BANK1: variants seen among roughly 807,000 people sequenced by gnomAD.
BANK1 encodes B cell scaffold protein with ankyrin repeats 1, also known as B-cell scaffold protein with ankyrin repeats.
A neutral mutation model predicts 94.5 loss-of-function variants in BANK1; 95 were observed. That is an observed-to-expected ratio of 1.00 (90% CI 0.85 to 1.19). The LOEUF is 1.19. Among genes scored for constraint, BANK1 ranks in the 50% most tolerant of loss-of-function variants. BANK1 has a pLI of 0.00. For missense variants in BANK1, 987 were observed against 932.2 expected, an observed-to-expected ratio of 1.06 and a Z score of -0.77; for synonymous variants, 334 against 308.4, an observed-to-expected ratio of 1.08 and a Z score of -0.87.
intron 5 of BANK1, 147 bp downstream of exon 5, chr4:101,870,791 T>G: frequency 1.1e-6 from 1 of 941,896 alleles, no homozygotes; most frequent in Non-Finnish European, 1.5e-6. Flanking sequence ...AGGCAACCTC[T>G]GTTGTGCCAA....
chr4:101,895,287 T>G lies in BANK1; in HGVS notation c.904-18T>G. 1 of 1,456,078 alleles carries G rather than the reference T, an allele frequency of 6.9e-7. No homozygotes were observed. The highest frequency in any genetic ancestry group is 9.3e-7 in the Non-Finnish European group (1 of 1,075,254). 90.2% of individuals were successfully genotyped at this position (1,456,078 alleles called of 1,614,324 possible). ...AATAATTAACCTAGTGAAAATTTTC[T>G]TTTTCACTTGAAAACAGAATAGCAT... is the stretch of plus-strand genomic sequence containing the variant. On this transcript the variant is annotated intron_variant, in intron 5 of 16. Coordinates refer to ENST00000322953, the MANE Select transcript of BANK1 (RefSeq NM_017935.5).
intron 7 of BANK1, among the ~76,000 whole-genome samples, chr4:102,000,605 G>T (rs1726032262): frequency 6.6e-6 from 1 of 152,098 alleles, no homozygotes; most frequent in South Asian, 2.1e-4. Flanking sequence ...TGGGAAGTGG[G>T]TATGCAAAAG....
intron 8 of BANK1, among the ~76,000 whole-genome samples, chr4:102,022,206 G>A (rs184937211): frequency 6.6e-6 from 1 of 152,144 alleles, no homozygotes; most frequent in East Asian, 1.9e-4. Context: ...ATGTTTGGTA[G>A]GAATCTCACA....
chr4:101,808,938 G>A (rs1725651897), intron 1 of BANK1, among the ~76,000 whole-genome samples: 1 of 152,184 alleles, frequency 6.6e-6, no homozygotes, highest in African/African-American at 2.4e-5. Flanking sequence ...AAACAGTATG[G>A]AGAGTCCTTA....
chr4:102,009,153 C>T (rs550456945), intron 7 of BANK1, among the ~76,000 whole-genome samples: 19 of 152,306 alleles, frequency 1.2e-4, no homozygotes, highest in Admixed American at 5.9e-4. Flanking sequence ...ACAGTCAATA[C>T]GGTACTTATC....
intron 4 of BANK1, among the ~76,000 whole-genome samples, chr4:101,865,633 G>T (rs1341407886): frequency 1.3e-5 from 2 of 152,104 alleles, no homozygotes; most frequent in African/African-American, 2.4e-5. Context: ...AGGGGATTAG[G>T]GGAAGGTATG....
intron 2 of BANK1, among the ~76,000 whole-genome samples, chr4:101,842,978 C>T (rs1327765258): frequency 2.0e-5 from 3 of 152,188 alleles, no homozygotes; most frequent in Non-Finnish European, 4.4e-5. Context: ...GTTATCTTCT[C>T]ATGCTAAATG....
chr4:102,047,374 CTCTT>C (rs1409148971), intron 11 of BANK1, among the ~76,000 whole-genome samples: 1 of 152,038 alleles, frequency 6.6e-6, no homozygotes, highest in Non-Finnish European at 1.5e-5. Context: ...ATGCAAAAAA[CTCTT>C]TATTTGACAG....
chr4:101,911,081 T>C (rs189711335), intron 6 of BANK1, among the ~76,000 whole-genome samples: 1 of 152,336 alleles, frequency 6.6e-6, no homozygotes, highest in East Asian at 1.9e-4. Flanking sequence ...GTAGGTACCA[T>C]TTAAATCTCC....
intron 6 of BANK1, among the ~76,000 whole-genome samples, chr4:101,916,839 C>T (rs1722844309): frequency 6.6e-6 from 1 of 151,902 alleles, no homozygotes; most frequent in South Asian, 2.1e-4. Context: ...TGAATTATGG[C>T]TTCTCTATTT....
At chr4:101,981,908 T>A (rs1725335642) in intron 7 of BANK1, 1 of 152,180 alleles carries the variant, frequency 6.6e-6, no homozygotes, top group Non-Finnish European at 1.5e-5. Flanking sequence ...CTTCTTGTAG[T>A]AACCCTGTCA....
chr4:102,018,371 T>C (rs1377038884), intron 7 of BANK1, among the ~76,000 whole-genome samples: 2 of 152,180 alleles, frequency 1.3e-5, no homozygotes, highest in Admixed American at 1.3e-4. Flanking sequence ...TAACCAACAC[T>C]GTGGAAAGTT....
intron 15 of BANK1, among the ~76,000 whole-genome samples, chr4:102,072,770 G>A (rs1228435296): frequency 6.6e-6 from 1 of 152,154 alleles, no homozygotes; most frequent in African/African-American, 2.4e-5. Context: ...AGTAGGGAAA[G>A]TATAGCCCCA....
At chr4:102,034,673 A>G (rs1044447431) in intron 10 of BANK1, among the ~76,000 whole-genome samples, 1 of 152,186 alleles carries the variant, frequency 6.6e-6, no homozygotes, top group Non-Finnish European at 1.5e-5. Context: ...AATAATTATC[A>G]TTAGGCAGCT....
chr4:101,859,995 T>C (rs1305994619), intron 3 of BANK1, among the ~76,000 whole-genome samples: 2 of 152,154 alleles, frequency 1.3e-5, no homozygotes, highest in Non-Finnish European at 2.9e-5. Flanking sequence ...TGCAGTGCTT[T>C]AGTGTTCCTT....
intron 7 of BANK1, among the ~76,000 whole-genome samples, chr4:101,964,737 TTAAAA>T (rs1456713159): frequency 3.9e-5 from 6 of 152,064 alleles, no homozygotes; most frequent in Admixed American, 6.6e-5. Context: ...TGAGATTAAC[TTAAAA>T]TAAATTAAAG....
chr4:101,932,944 G>A (rs1472897835), intron 7 of BANK1, among the ~76,000 whole-genome samples: 2 of 151,386 alleles, frequency 1.3e-5, no homozygotes, highest in African/African-American at 2.4e-5. Context: ...GTTTATATAG[G>A]GCTGTCTGAT....
intron 1 of BANK1, among the ~76,000 whole-genome samples, chr4:101,824,242 T>C (rs778675557): frequency 6.6e-6 from 1 of 152,178 alleles, no homozygotes; most frequent in Non-Finnish European, 1.5e-5. Flanking sequence ...ACTGAGGAAG[T>C]ACTCTTAGCA....
chr4:102,067,518 C>T (rs1728632730), intron 13 of BANK1, among the ~76,000 whole-genome samples: 1 of 151,712 alleles, frequency 6.6e-6, no homozygotes, highest in African/African-American at 2.4e-5. Context: ...ATGGCTATAT[C>T]AATGTAAGAC....
Sources: allele counts gnomAD v4.1 joint callset (sites outside exome capture counted in the v4.1 genomes callset), GRCh38; gene constraint gnomAD v4.1.1; transcripts MANE v1.5; gene names NCBI Gene and HGNC (gene_info 2026-07-23, HGNC 2026-07-21).